The following SLC22A2 variants were observed in gnomAD, a reference collection of about 807,000 sequenced individuals.
SLC22A2 encodes organic cation transporter 2.
SLC22A2 carries 46 observed loss-of-function variants against 60.5 expected under a neutral mutation model. That is an observed-to-expected ratio of 0.76 (90% CI 0.60 to 0.97). SLC22A2 has a LOEUF of 0.97. Among genes scored for constraint, SLC22A2 ranks in the 50% least tolerant of loss-of-function variants. The pLI is 0.00. For missense variants in SLC22A2, 701 were observed against 706.6 expected (o/e 0.99, Z 0.09); for synonymous variants, 303 against 267.0 (o/e 1.13, Z -1.31).
chr6:160,258,136 C>T (rs944785190), intron 1 of SLC22A2, among the ~76,000 whole-genome samples: 2 of 152,348 alleles, frequency 1.3e-5, no homozygotes, highest in East Asian at 3.9e-4. Context: ...TTATTGTCAG[C>T]ATCTGAGGAC....
intron 9 of SLC22A2, among the ~76,000 whole-genome samples, chr6:160,234,248 G>A (rs2114857742): frequency 6.6e-6 from 1 of 152,284 alleles, no homozygotes; most frequent in South Asian, 2.1e-4. Context: ...CAGCCTGCCT[G>A]CACCCAGGTG....
chr6:160,225,227 C>T (rs973863195), intron 9 of SLC22A2, among the ~76,000 whole-genome samples: 1 of 152,116 alleles, frequency 6.6e-6, no homozygotes, highest in African/African-American at 2.4e-5. Context: ...GTATCTATTA[C>T]TATGTAAGAG....
chr6:160,226,528 G>A (rs1200047869), intron 9 of SLC22A2, among the ~76,000 whole-genome samples: 1 of 152,128 alleles, frequency 6.6e-6, no homozygotes, highest in Non-Finnish European at 1.5e-5. Flanking sequence ...CAAACGCTAA[G>A]CTGTAACCAA....
chr6:160,249,524 G>T, intron 3 of SLC22A2, 140 bp from the exon 4 acceptor site: 2 of 679,944 alleles, frequency 2.9e-6, no homozygotes, highest in East Asian at 3.0e-5. Context: ...ATATTTTTAA[G>T]TGTTTTTTGG....
chr6:160,256,863 C>G (rs944487779), intron 1 of SLC22A2, 146 bp from the exon 2 acceptor site: 14 of 573,628 alleles, frequency 2.4e-5, no homozygotes, highest in Non-Finnish European at 4.0e-5. Context: ...GCCATTGTTT[C>G]TTGATCATGC....
intron 3 of SLC22A2, among the ~76,000 whole-genome samples, chr6:160,250,280 G>A (rs1783160979): frequency 6.6e-6 from 1 of 152,082 alleles, no homozygotes; most frequent in African/African-American, 2.4e-5. Context: ...ATACTCCAGG[G>A]TACAGAAAAC....
In SLC22A2 at chr6:160,223,587, T is replaced by C. The variant is rs574032557; in HGVS notation, c.1601+1118A>G. Among the ~76,000 whole-genome samples the C allele has an allele frequency of 3.3e-5, 5 of 152,314 alleles. No individual in the cohort carries two copies. The South Asian group carries it at 1.0e-3, about 32-fold the overall frequency. On this transcript the variant is annotated intron_variant, in intron 10 of 10. Coordinates refer to ENST00000366953, the MANE Select transcript of SLC22A2 (RefSeq NM_003058.4). ...ATTTAACTGGTGTTCTAATTCATGGTCATTTAGGTTGTTTCCAACACTTGT... is the reference window on the plus strand; with the variant it reads ...ATTTAACTGGTGTTCTAATTCATGGCCATTTAGGTTGTTTCCAACACTTGT...
At chr6:160,238,268 A>G (rs1220933199) in intron 9 of SLC22A2, among the ~76,000 whole-genome samples, 2 of 152,238 alleles carry the variant, frequency 1.3e-5, no homozygotes, top group Non-Finnish European at 2.9e-5. Flanking sequence ...TCAAAGGCTT[A>G]GAATAGTGCC....
At chr6:160,219,897 A>T (rs1215914711) in intron 10 of SLC22A2, among the ~76,000 whole-genome samples, 1 of 152,238 alleles carries the variant, frequency 6.6e-6, no homozygotes, top group Non-Finnish European at 1.5e-5. Flanking sequence ...GCTAACAATC[A>T]TCTGAACCTT....
At chr6:160,223,803 C>T (rs1197935581) in intron 10 of SLC22A2, among the ~76,000 whole-genome samples, 4 of 152,232 alleles carry the variant, frequency 2.6e-5, no homozygotes, top group South Asian at 2.1e-4. Flanking sequence ...TCTCAGCTCA[C>T]TGCAACCTCT....
rs148280135 is a variant in SLC22A2, at chr6:160,251,134, T to C, written c.519-432A>G. Among the ~76,000 whole-genome samples the C allele has an allele frequency of 8.4e-4, 128 of 152,316 alleles. 1 individual carries two copies. Among genetic ancestry groups the C allele is most frequent in the Non-Finnish European group, 1.5e-3 (100 of 68,024 alleles). On this transcript the variant is annotated intron_variant, in intron 2 of 10. Coordinates refer to ENST00000366953, the MANE Select transcript of SLC22A2 (RefSeq NM_003058.4). ...TCACTTTTTCACTTTGAAAACAAAA[T>C]TCAGTGTTCAGTATATACCCCCTTT...
intron 10 of SLC22A2, among the ~76,000 whole-genome samples, chr6:160,222,980 C>T (rs3127575): frequency 0.097 from 14,806 of 152,156 alleles, 798 homozygotes; most frequent in Non-Finnish European, 0.12. Context: ...GACCTCCGCT[C>T]GGATTCAAAG....
intron 10 of SLC22A2, among the ~76,000 whole-genome samples, chr6:160,223,217 T>A (rs1782670781): frequency 1.3e-5 from 2 of 152,212 alleles, no homozygotes; most frequent in Non-Finnish European, 2.9e-5. Context: ...CAGATAGGTT[T>A]GTCTTTATCT....
At position 160,242,275 on chromosome 6, in the gene SLC22A2, C is replaced by G; in HGVS notation, c.1388+19G>C. The G allele has an allele frequency of 7.4e-7, 1 of 1,344,286 alleles. No individual in the cohort carries two copies. The highest frequency in any genetic ancestry group is 1.1e-6 in the Non-Finnish European group (1 of 933,292). The allele number at this position is 1,344,286 out of a possible 1,614,324, so 83.3% of individuals were successfully genotyped here. On this transcript the variant is annotated intron_variant, in intron 8 of 10. Transcript: ENST00000366953. Reference sequence around the variant, plus strand: ...AAATGTCTCACCCACCCTCGTCATTCTAAGGAAAATGCACTCACCTAATGA... The same window carrying G: ...AAATGTCTCACCCACCCTCGTCATTGTAAGGAAAATGCACTCACCTAATGA...
At chr6:160,233,790 C>T (rs1177195905) in intron 9 of SLC22A2, among the ~76,000 whole-genome samples, 2 of 151,884 alleles carry the variant, frequency 1.3e-5, no homozygotes, top group East Asian at 3.8e-4. Flanking sequence ...CACGCTGCCC[C>T]TAATTCCACT....
chr6:160,231,916 A>G (rs1428803538), intron 9 of SLC22A2, among the ~76,000 whole-genome samples: 1 of 151,910 alleles, frequency 6.6e-6, no homozygotes. Context: ...AAGGACCAGG[A>G]CTGCGCCCTG....
At chr6:160,244,017 A>G (rs1783053691) in intron 6 of SLC22A2, among the ~76,000 whole-genome samples, 2 of 152,200 alleles carry the variant, frequency 1.3e-5, no homozygotes, top group Non-Finnish European at 2.9e-5. Flanking sequence ...GTTAGAACTA[A>G]TTAGAAATTA....
intron 9 of SLC22A2, among the ~76,000 whole-genome samples, chr6:160,238,160 T>C (rs1265038335): frequency 6.6e-6 from 1 of 152,236 alleles, no homozygotes; most frequent in Non-Finnish European, 1.5e-5. Context: ...GAATTCCTTC[T>C]TGTGTGAGAT....
intron 10 of SLC22A2, among the ~76,000 whole-genome samples, chr6:160,220,198 G>C (rs1454317979): frequency 5.9e-5 from 9 of 152,094 alleles, no homozygotes; most frequent in Non-Finnish European, 1.0e-4. Flanking sequence ...TAAATCCTTT[G>C]TTGTCATTTC....
Sources: allele counts gnomAD v4.1 joint callset (sites outside exome capture counted in the v4.1 genomes callset), GRCh38; gene constraint gnomAD v4.1.1; transcripts MANE v1.5; gene names NCBI Gene and HGNC (gene_info 2026-07-23, HGNC 2026-07-21).